The following YJU2 variants were observed in gnomAD, a reference collection of about 807,000 sequenced individuals.
The protein encoded by YJU2 is YJU2 splicing factor homolog.
Under a neutral mutation model 39.6 loss-of-function variants are expected in YJU2, and 28 were observed. That is an observed-to-expected ratio of 0.71 (90% CI 0.52 to 0.97). The LOEUF (loss-of-function observed/expected upper bound fraction) is 0.97. YJU2 is among the 50% of genes least tolerant of loss of function. The pLI is 0.00. For missense variants in YJU2, 328 were observed against 430.4 expected, an observed-to-expected ratio of 0.76 and a Z score of 2.11; for synonymous variants, 184 against 182.4, an observed-to-expected ratio of 1.01 and a Z score of -0.07.
intron 2 of YJU2, among the ~76,000 whole-genome samples, chr19:4,250,498 G>A (rs943765715): frequency 2.0e-5 from 3 of 152,086 alleles, no homozygotes; most frequent in African/African-American, 7.2e-5. Flanking sequence ...AGGTAGCTGG[G>A]GTACGGTGAC....
rs1003812039 is a variant in YJU2 at position 4,249,164 on chromosome 19, C to G, written c.25-64C>G. ...GACACAGCTCCCCAGAGCCCCTTCCCTCTGCCATGTCCTGCCCCTGCTTCT... is the reference window on the plus strand; with the variant it reads ...GACACAGCTCCCCAGAGCCCCTTCCGTCTGCCATGTCCTGCCCCTGCTTCT... On this transcript the variant is annotated intron_variant, in intron 1 of 7. Transcript: ENST00000262962. The G allele has an allele frequency of 2.6e-6, 3 of 1,158,516 alleles. No homozygotes were observed. In the African/African-American group the frequency reaches 4.5e-5, roughly 17 times the overall value. The allele number at this position is 1,158,516 out of a possible 1,614,324, so 71.8% of individuals were successfully genotyped here.
chr19:4,249,110 C>T (rs1214513767), intron 1 of YJU2, 118 bp from the exon 2 acceptor site: 16 of 645,816 alleles, frequency 2.5e-5, no homozygotes, highest in Non-Finnish European at 3.6e-5. Flanking sequence ...CTGCCTGTCG[C>T]GGAACCTGGG....
At chr19:4,258,531 G>C (rs1971042763) in intron 5 of YJU2, 108 bp downstream of exon 5, 1 of 1,437,966 alleles carries the variant, frequency 7.0e-7, no homozygotes, top group Non-Finnish European at 9.2e-7. Flanking sequence ...GCCTTTGCAA[G>C]GACCCCTTTC....
At chr19:4,264,334 G>T (rs557821693) in intron 6 of YJU2, among the ~76,000 whole-genome samples, 2 of 151,146 alleles carry the variant, frequency 1.3e-5, no homozygotes, top group East Asian at 3.9e-4. Flanking sequence ...TTGACACAGG[G>T]TCTTACTCTG....
chr19:4,263,005 C>T (rs1231565430), intron 6 of YJU2, among the ~76,000 whole-genome samples: 4 of 144,406 alleles, frequency 2.8e-5, no homozygotes, highest in South Asian at 2.2e-4. Context: ...ACCCGGGAGG[C>T]GGAGGTTGCA....
At chr19:4,265,322 G>A (rs1186009995) in intron 6 of YJU2, among the ~76,000 whole-genome samples, 4 of 150,130 alleles carry the variant, frequency 2.7e-5, no homozygotes, top group Admixed American at 6.7e-5. Context: ...ATCACAGCTC[G>A]CTGCAGCCTC....
chr19:4,261,349 G>A lies in YJU2; in HGVS notation c.588-645G>A, dbSNP rs1025342302. Among the ~76,000 whole-genome samples the A allele has an allele frequency of 3.3e-5, 5 of 152,162 alleles. No homozygotes were observed. In the East Asian group the frequency reaches 5.8e-4, roughly 18 times the overall value. ...CTACTAAAAATACAAAAATTAGCTG[G>A]ACACGGTGGTGCGTGCCTGTAGTCC... On this transcript the variant is annotated intron_variant, in intron 5 of 7. Transcript: ENST00000262962.
At chr19:4,250,423 T>G (rs1035534739) in intron 2 of YJU2, among the ~76,000 whole-genome samples, 9 of 152,004 alleles carry the variant, frequency 5.9e-5, no homozygotes, top group Non-Finnish European at 1.3e-4. Flanking sequence ...GTCAGGCAGG[T>G]GCACGGGCCC....
intron 5 of YJU2, 68 bp downstream of exon 5, chr19:4,258,491 C>G (rs1430500985): frequency 1.3e-6 from 2 of 1,513,452 alleles, no homozygotes; most frequent in African/African-American, 2.8e-5. Flanking sequence ...TGCCTCTGCC[C>G]CAGACCCTTT....
intron 5 of YJU2, 22 bp from the exon 6 acceptor site, chr19:4,261,972 G>T (rs370630525): frequency 8.1e-6 from 13 of 1,611,224 alleles, no homozygotes; most frequent in African/African-American, 1.3e-5. Context: ...GCACGTCCAA[G>T]TTCCCATCTT....
intron 5 of YJU2, 152 bp downstream of exon 5, chr19:4,258,575 C>CTT: frequency 7.7e-7 from 1 of 1,296,904 alleles, no homozygotes; most frequent in Non-Finnish European, 1.0e-6. Flanking sequence ...CTTGTGGCGT[C>CTT]TCTCGAGGGG....
chr19:4,249,420 CAGATCA>C, intron 2 of YJU2, 92 bp downstream of exon 2: 3 of 776,492 alleles, frequency 3.9e-6, no homozygotes, highest in Non-Finnish European at 6.4e-6. Flanking sequence ...GTGTTAAGAC[CAGATCA>C]CTGGTCTTAG....
rs561586817 is a variant in YJU2, at chr19:4,262,229, C to T, written c.708+115C>T. The T allele has an allele frequency of 9.6e-6, 11 of 1,148,074 alleles. No individual in the cohort carries two copies. In the African/African-American group the frequency reaches 1.2e-4, roughly 13 times the overall value. The allele number at this position is 1,148,074 out of a possible 1,614,324, so 71.1% of individuals were successfully genotyped here. ...GTTTTTGTTTTTTGAGACGGAGTCT[C>T]GCTCTGTCGCCTAGGCTGGAGTGCA... On this transcript the variant is annotated intron_variant, in intron 6 of 7. Transcript: ENST00000262962.
At chr19:4,249,546 T>C (rs939547320) in intron 2 of YJU2, among the ~76,000 whole-genome samples, 3 of 152,008 alleles carry the variant, frequency 2.0e-5, no homozygotes, top group Non-Finnish European at 4.4e-5. Context: ...CTTGAGATCA[T>C]GGTGGTTAGT....
rs531984668 is a variant in YJU2 at position 4,262,121 on chromosome 19, G to A, written c.708+7G>A. ...CACCGCCATCCTGGATGAGGTAAGT[G>A]GGGTGCCTGAGTCCTGGGGGCTCCC... On this transcript the variant is annotated splice_region_variant and intron_variant, in intron 6 of 7. Coordinates refer to ENST00000262962, the MANE Select transcript of YJU2 (RefSeq NM_018074.6). 6.2e-7 allele frequency: 1 copy of A among 1,604,190 alleles called. No homozygotes were observed. The highest frequency in any genetic ancestry group is 2.2e-5 in the East Asian group (1 of 44,766).
At chr19:4,260,837 C>CA (rs1180021466) in intron 5 of YJU2, among the ~76,000 whole-genome samples, 4 of 152,110 alleles carry the variant, frequency 2.6e-5, no homozygotes, top group African/African-American at 9.7e-5. Context: ...GCTCTGCCCT[C>CA]ACGGAGCTCA....
Position 4,254,364 on chromosome 19 carries a change from G to A in YJU2, c.280G>A (p.Glu94Lys), listed in dbSNP as rs2036084918. The A allele has an allele frequency of 2.5e-6, 4 of 1,613,456 alleles. No individual in the cohort carries two copies. Among genetic ancestry groups the A allele is most frequent in the Non-Finnish European group, 2.5e-6 (3 of 1,179,696 alleles). ...LAEITFKTDPENTDYTMEHGA... is the reference protein window; with the variant it reads ...LAEITFKTDPKNTDYTMEHGA... ...TCTATCCTCCCTGCAGACAGACCCT[G>A]AAAACACAGACTACACCATGGAGCA... The change falls in exon 4 of 8, where the codon GAA (glutamate) becomes AAA (lysine). Residue 94 changes from glutamate (E) to lysine (K), a missense_variant. Transcript: ENST00000262962.
chr19:4,256,225 T>C (rs112459381), intron 4 of YJU2, among the ~76,000 whole-genome samples: 2,856 of 148,690 alleles, frequency 0.019, 69 homozygotes, highest in African/African-American at 0.049. Context: ...CACATATACA[T>C]ATATATACAT....
In YJU2 at chr19:4,247,628, T is replaced by C. The variant is rs1373936105; in HGVS notation, c.24+458T>C. 4.3e-3 allele frequency among the ~76,000 whole-genome samples: 140 copies of C among 32,452 alleles called. 10 individuals are homozygous for C. Among genetic ancestry groups the C allele is most frequent in the East Asian group, 0.015 (13 of 874 alleles). The allele number at this position is 32,452 out of a possible 152,430, so 21.3% of individuals were successfully genotyped here. On this transcript the variant is annotated intron_variant, in intron 1 of 7. Transcript: ENST00000262962. ...GTGTGTGTGTGTGTGTGTGTGTGTG[T>C]GTGTGTGTGTGTGTGTGTGTGTGTG...
Sources: allele counts gnomAD v4.1 joint callset (sites outside exome capture counted in the v4.1 genomes callset), GRCh38; gene constraint gnomAD v4.1.1; transcripts MANE v1.5; gene names NCBI Gene and HGNC (gene_info 2026-07-23, HGNC 2026-07-21).